TPCN2: variants seen among roughly 807,000 people sequenced by gnomAD.
The protein encoded by TPCN2 is two pore segment channel 2, also known as two pore channel protein 2.
In TPCN2, 92 loss-of-function variants were observed where a neutral mutation model predicts 111.4. The observed-to-expected ratio is 0.83, with a 90% CI of 0.70 to 0.98. The LOEUF (loss-of-function observed/expected upper bound fraction) is 0.98, where lower values mean the gene tolerates loss of function less well. Ranked by LOEUF, TPCN2 falls within the 50% of genes least tolerant of loss-of-function variation. TPCN2 has a pLI of 0.00. For synonymous variants in TPCN2, 405 were observed against 414.5 expected, an observed-to-expected ratio of 0.98 and a Z score of 0.28; for missense variants, 995 against 980.1, an observed-to-expected ratio of 1.02 and a Z score of -0.20.
In TPCN2 at chr11:69,067,525, A is replaced by G; in HGVS notation, c.749A>G (p.Glu250Gly). 1 of 1,613,862 alleles carries G rather than the reference A, an allele frequency of 6.2e-7. No individual in the cohort carries two copies. Among genetic ancestry groups the G allele is most frequent in the Non-Finnish European group, 8.5e-7 (1 of 1,179,990 alleles). ...GGKQDDGQDRERLTYFQNLPE... is the reference protein window; with the variant it reads ...GGKQDDGQDRGRLTYFQNLPE... ...TAGCAGGATGATGGGCAGGACAGGG[A>G]GAGGCTGACCTACTTCCAGAACCTG... Residue 250 changes from glutamate to glycine, a missense_variant, in exon 8 of 25, where the codon GAG becomes GGG. Coordinates refer to ENST00000294309, the MANE Select transcript of TPCN2 (RefSeq NM_139075.4).
intron 5 of TPCN2, among the ~76,000 whole-genome samples, chr11:69,061,980 A>G (rs985055619): frequency 5.3e-5 from 8 of 151,838 alleles, no homozygotes; most frequent in African/African-American, 1.9e-4. Flanking sequence ...GCGTGTCCAT[A>G]AAGCAAGACC....
rs919328472 is a variant in TPCN2 at position 69,089,267 on chromosome 11, A to G, written c.*1314A>G. ...TAATAACAATAACAATAACAATAACAATATGGAAACCACCGCAAACTTGGA... is the reference window on the plus strand; with the variant it reads ...TAATAACAATAACAATAACAATAACGATATGGAAACCACCGCAAACTTGGA... On this transcript the variant is annotated 3_prime_UTR_variant, in exon 25 of 25. Transcript: ENST00000294309. 4.2e-5 allele frequency: 6 copies of G among 142,522 alleles called. No individual in the cohort carries two copies. Among genetic ancestry groups the G allele is most frequent in the Non-Finnish European group, 9.4e-5 (6 of 63,708 alleles). The allele number at this position is 142,522 out of a possible 1,614,324, so 8.8% of individuals were successfully genotyped here.
At position 69,073,487 on chromosome 11, in the gene TPCN2, A is replaced by G. The variant is rs970574489; in HGVS notation, c.1230+486A>G. 6.6e-4 allele frequency among the ~76,000 whole-genome samples: 100 copies of G among 152,278 alleles called. 1 individual carries two copies. The highest frequency in any genetic ancestry group is 2.1e-4 in the Non-Finnish European group (14 of 68,042). On this transcript the variant is annotated intron_variant, in intron 13 of 24. Transcript: ENST00000294309. Reference sequence around the variant, plus strand: ...GGGGCAGCACGGGGGCTGCCATTCCAGCTGCTCAGCCTCAGAGGACTGAGC... The same window carrying G: ...GGGGCAGCACGGGGGCTGCCATTCCGGCTGCTCAGCCTCAGAGGACTGAGC...
At chr11:69,078,062 A>C (rs1158246665) in intron 13 of TPCN2, among the ~76,000 whole-genome samples, 1 of 151,726 alleles carries the variant, frequency 6.6e-6, no homozygotes, top group Non-Finnish European at 1.5e-5. Context: ...CCTGCCCCTC[A>C]TTGCCTCCTG....
chr11:69,082,435 G>A (rs1307688180), intron 18 of TPCN2, among the ~76,000 whole-genome samples: 2 of 152,262 alleles, frequency 1.3e-5, no homozygotes, highest in South Asian at 2.1e-4. Flanking sequence ...TAATACGCAC[G>A]CCCGCATCAC....
chr11:69,049,681 G>A (rs1861128245), intron 1 of TPCN2, among the ~76,000 whole-genome samples: 6 of 152,090 alleles, frequency 3.9e-5, no homozygotes, highest in Admixed American at 3.9e-4. Flanking sequence ...GGGCTGGGGC[G>A]GGCCCCCTAG....
At chr11:69,086,078 C>T in intron 22 of TPCN2, 148 bp downstream of exon 22, 3 of 756,236 alleles carry the variant, frequency 4.0e-6, no homozygotes, top group Non-Finnish European at 6.7e-6. Flanking sequence ...AGCGTGGCAT[C>T]CTGGCTTGCC....
At position 69,082,867 on chromosome 11, in the gene TPCN2, A is replaced by G. The variant is rs12800208; in HGVS notation, c.1690-1078A>G. Among the ~76,000 whole-genome samples, 102 of 117,428 alleles carry G rather than the reference A, an allele frequency of 8.7e-4. 11 individuals are homozygous for G. Among genetic ancestry groups the G allele is most frequent in the Middle Eastern group, 5.4e-3 (1 of 186 alleles). The allele number at this position is 117,428 out of a possible 152,430, so 77.0% of individuals were successfully genotyped here. On this transcript the variant is annotated intron_variant, in intron 18 of 24. Coordinates refer to ENST00000294309, the MANE Select transcript of TPCN2 (RefSeq NM_139075.4). ...GATATCCATGTGAACTCGTGCCCGG[A>G]TAAGACGCATGATCGTGTGTGCACA...
intron 6 of TPCN2, 82 bp downstream of exon 6, chr11:69,063,072 C>A: frequency 7.9e-7 from 1 of 1,263,148 alleles, no homozygotes; most frequent in Non-Finnish European, 1.2e-6. Context: ...GTGGGGCCCA[C>A]CGGAGTCTCA....
intron 6 of TPCN2, 128 bp downstream of exon 6, chr11:69,063,118 G>C (rs1052250202): frequency 6.1e-6 from 5 of 815,008 alleles, no homozygotes; most frequent in Non-Finnish European, 1.0e-5. Flanking sequence ...TGGCTGGCTG[G>C]TGACGGTGTG....
chr11:69,062,149 C>T (rs1420974743), intron 5 of TPCN2, among the ~76,000 whole-genome samples: 4 of 151,980 alleles, frequency 2.6e-5, no homozygotes, highest in Non-Finnish European at 4.4e-5. Flanking sequence ...GCGAGAGAGG[C>T]CCCCAGACTC....
chr11:69,090,096 T>C lies in TPCN2; in HGVS notation c.*2143T>C, dbSNP rs1856391561. On this transcript the variant is annotated 3_prime_UTR_variant, in exon 25 of 25. Coordinates refer to ENST00000294309, the MANE Select transcript of TPCN2 (RefSeq NM_139075.4). ...GTAGCATCAGGAACCAGGATGTGGGTGCGAGGCGTGCTCCTGGCTGTTGCA... is the reference window on the plus strand; with the variant it reads ...GTAGCATCAGGAACCAGGATGTGGGCGCGAGGCGTGCTCCTGGCTGTTGCA... The C allele has an allele frequency of 6.6e-6, 1 of 152,168 alleles. No individual in the cohort carries two copies. Among genetic ancestry groups the C allele is most frequent in the South Asian group, 2.1e-4 (1 of 4,832 alleles). The allele number at this position is 152,168 out of a possible 1,614,324, so 9.4% of individuals were successfully genotyped here. A position where few individuals can be genotyped will look rare whatever the true frequency, so the allele number is the denominator to read the frequency against.
In TPCN2 at chr11:69,071,701, G is replaced by T. The variant is rs151180308; in HGVS notation, c.961-222G>T. ...GGAGAAACGCGGCCCAGCATATTGC[G>T]CAGCACGCCCGTCAGACTCCTTCCT... On this transcript the variant is annotated intron_variant, in intron 10 of 24. Transcript: ENST00000294309. Among the ~76,000 whole-genome samples, 1,104 of 152,274 alleles carry T rather than the reference G, an allele frequency of 7.3e-3. 14 individuals carry two copies. The highest frequency in any genetic ancestry group is 0.025 in the African/African-American group (1,025 of 41,570).
In TPCN2 at chr11:69,049,021, G is replaced by GGAGCCC; in HGVS notation, c.25_30dup (p.Glu9_Pro10dup). ...GGATGGCGGAACCCCAGGCGGAGTC[G>GGAGCCC]GAGCCCCTGCTGGGCGGGGCCCGCG... On this transcript the variant is annotated inframe_insertion, in exon 1 of 25. Coordinates refer to ENST00000294309, the MANE Select transcript of TPCN2 (RefSeq NM_139075.4). The GGAGCCC allele has an allele frequency of 8.1e-7, 1 of 1,240,600 alleles. No individual in the cohort carries two copies. The highest frequency in any genetic ancestry group is 1.0e-6 in the Non-Finnish European group (1 of 988,218). The allele number at this position is 1,240,600 out of a possible 1,614,324, so 76.8% of individuals were successfully genotyped here.
Position 69,089,217 on chromosome 11 carries a change from T to C in TPCN2, c.*1264T>C, listed in dbSNP as rs1409813958. On this transcript the variant is annotated 3_prime_UTR_variant, in exon 25 of 25. Transcript: ENST00000294309. ...AGGAGCGAGTCCAAGGAGAAGGTCA[T>C]GAGTTTCTTTTTACTCGTGTTGAAT... The C allele has an allele frequency of 1.3e-5, 2 of 151,672 alleles. No homozygotes were observed. The highest frequency in any genetic ancestry group is 2.9e-5 in the Non-Finnish European group (2 of 67,930). 9.4% of individuals were successfully genotyped at this position (151,672 alleles called of 1,614,324 possible).
At chr11:69,063,044 C>A in intron 6 of TPCN2, 54 bp downstream of exon 6, 1 of 1,523,584 alleles carries the variant, frequency 6.6e-7, no homozygotes, top group Non-Finnish European at 9.1e-7. Context: ...CTCTCTGCCC[C>A]GGGCCACGTG....
chr11:69,079,161 G>A, intron 16 of TPCN2, 141 bp downstream of exon 16: 1 of 1,159,536 alleles, frequency 8.6e-7, no homozygotes, highest in Non-Finnish European at 1.2e-6. Flanking sequence ...GGTGAGGGCT[G>A]GCTTCCCTGC....
At chr11:69,086,349 G>A (rs999427554) in intron 22 of TPCN2, among the ~76,000 whole-genome samples, 174 bp from the exon 23 acceptor site, 1 of 152,196 alleles carries the variant, frequency 6.6e-6, no homozygotes, top group Non-Finnish European at 1.5e-5. Context: ...CTTGTTGCAC[G>A]TTTCTAGGCC....
rs1276314838 is a variant in TPCN2, at chr11:69,054,114, C to T, written c.174+17C>T. ...GCTATTCAGGTCGGTGGCACCTGCT[C>T]CCTGTGGCCGGGCCTGGGGGGTGGC... On this transcript the variant is annotated intron_variant, in intron 2 of 24. Coordinates refer to ENST00000294309, the MANE Select transcript of TPCN2 (RefSeq NM_139075.4). 4 of 1,610,474 alleles carry T rather than the reference C, an allele frequency of 2.5e-6. No homozygotes were observed. The highest frequency in any genetic ancestry group is 2.2e-5 in the South Asian group (2 of 90,910).
Sources: allele counts gnomAD v4.1 joint callset (sites outside exome capture counted in the v4.1 genomes callset), GRCh38; gene constraint gnomAD v4.1.1; transcripts MANE v1.5; gene names NCBI Gene and HGNC (gene_info 2026-07-23, HGNC 2026-07-21).